The following BNC2 variants were observed in gnomAD, a reference collection of about 807,000 sequenced individuals.
The protein encoded by BNC2 is basonuclin zinc finger protein 2.
In BNC2, 20 loss-of-function variants were observed where a neutral mutation model predicts 76.3. That is an observed-to-expected ratio of 0.26 (90% confidence interval 0.18 to 0.38). The LOEUF is 0.38. Ranked by LOEUF, BNC2 falls within the 10% of genes least tolerant of loss-of-function variation. BNC2 has a pLI of 1.00. For synonymous variants in BNC2, 582 were observed against 514.8 expected (o/e 1.13, Z -1.77); for missense variants, 1,382 against 1,399.8 (o/e 0.99, Z 0.20).
chr9:16,797,106 A>G (rs899898045), intron 1 of BNC2, among the ~76,000 whole-genome samples: 9 of 152,206 alleles, frequency 5.9e-5, no homozygotes, highest in South Asian at 4.1e-4. Flanking sequence ...TTCATTTACT[A>G]TATCTTTCTC....
intron 1 of BNC2, among the ~76,000 whole-genome samples, chr9:16,748,756 T>C (rs945839027): frequency 7.0e-6 from 1 of 142,624 alleles, no homozygotes; most frequent in Admixed American, 7.3e-5. Flanking sequence ...GGCAAGAGAA[T>C]TGCTAGGACC....
chr9:16,715,378 A>G (rs889034950), intron 3 of BNC2, among the ~76,000 whole-genome samples: 1 of 152,232 alleles, frequency 6.6e-6, no homozygotes, highest in Non-Finnish European at 1.5e-5. Flanking sequence ...CACAGGGGAA[A>G]AAATGAAGAA....
intron 1 of BNC2, among the ~76,000 whole-genome samples, chr9:16,760,777 T>C (rs1586862019): frequency 6.6e-6 from 1 of 152,184 alleles, no homozygotes; most frequent in Middle Eastern, 3.4e-3. Flanking sequence ...TTAATTTAAA[T>C]TGTGTTTGAA....
At position 16,626,166 on chromosome 9, in the gene BNC2, A is replaced by G. The variant is rs1297680023; in HGVS notation, c.331-43081T>C. The G allele has an allele frequency of 2.0e-5, 3 of 152,190 alleles. No homozygotes were observed. The South Asian group carries it at 6.2e-4, about 32-fold the overall frequency. The allele number at this position is 152,190 out of a possible 1,614,324, so 9.4% of individuals were successfully genotyped here. ...GTAATGTTTGCCTACAGACCTTGGT[A>G]TATCTAAAGAGGACTCCTCAAAGAT... On this transcript the variant is annotated intron_variant, in intron 3 of 6. Coordinates refer to ENST00000380672, the MANE Select transcript of BNC2 (RefSeq NM_017637.6).
intron 5 of BNC2, among the ~76,000 whole-genome samples, chr9:16,467,678 G>A (rs934348676): frequency 9.9e-4 from 142 of 143,378 alleles, no homozygotes; most frequent in Non-Finnish European, 1.8e-3. Flanking sequence ...TCTGGGGACT[G>A]TGGTGGGGTC....
At chr9:16,579,931 G>GC (rs1819585715) in intron 4 of BNC2, 1 of 395,612 alleles carries the variant, frequency 2.5e-6, no homozygotes, top group South Asian at 1.4e-4. Flanking sequence ...ATAATGACAG[G>GC]TAGAATGCAT....
intron 3 of BNC2, among the ~76,000 whole-genome samples, chr9:16,703,587 T>C (rs1823577671): frequency 6.6e-6 from 1 of 152,178 alleles, no homozygotes; most frequent in South Asian, 2.1e-4. Context: ...CGCTTATTGG[T>C]GTAAGACTTC....
chr9:16,445,543 A>G (rs1821215076), intron 5 of BNC2, among the ~76,000 whole-genome samples: 1 of 151,952 alleles, frequency 6.6e-6, no homozygotes, highest in Non-Finnish European at 1.5e-5. Flanking sequence ...GCCCTACTCA[A>G]TTTTCATGAT....
intron 3 of BNC2, among the ~76,000 whole-genome samples, chr9:16,631,245 T>A (rs1049619037): frequency 6.6e-6 from 1 of 152,194 alleles, no homozygotes; most frequent in African/African-American, 2.4e-5. Context: ...ACATAATTAA[T>A]GAACCACAGA....
intron 1 of BNC2, among the ~76,000 whole-genome samples, chr9:16,794,174 T>C (rs1193220083): frequency 6.6e-6 from 1 of 152,088 alleles, no homozygotes; most frequent in Non-Finnish European, 1.5e-5. Flanking sequence ...AGAAGGTCCA[T>C]CTCCTCTGTA....
At chr9:16,795,890 G>A (rs1817633599) in intron 1 of BNC2, among the ~76,000 whole-genome samples, 1 of 152,124 alleles carries the variant, frequency 6.6e-6, no homozygotes, top group Non-Finnish European at 1.5e-5. Flanking sequence ...AAAGGTCATG[G>A]TTAGGAAGAG....
intron 3 of BNC2, among the ~76,000 whole-genome samples, chr9:16,657,688 G>T (rs118066471): frequency 6.6e-6 from 1 of 151,964 alleles, no homozygotes; most frequent in African/African-American, 2.4e-5. Flanking sequence ...ATAAACTCTA[G>T]GAGAACTGTT....
rs377349585 is a variant in BNC2, at chr9:16,793,860, G to GTTTTTTTT, written c.4-55376_4-55375insAAAAAAAA. ...CTAGTTTTTGTTTTTTGTGGTTTTT[G>GTTTTTTTT]TTTTTTTGTTTTTTTTTTTTTTTAG... is the stretch of plus-strand genomic sequence containing the variant. On this transcript the variant is annotated intron_variant, in intron 1 of 6. Coordinates refer to ENST00000380672, the MANE Select transcript of BNC2 (RefSeq NM_017637.6). Among the ~76,000 whole-genome samples, 128 of 97,210 alleles carry GTTTTTTTT rather than the reference G, an allele frequency of 1.3e-3. 11 individuals are homozygous for GTTTTTTTT. Among genetic ancestry groups the GTTTTTTTT allele is most frequent in the Non-Finnish European group, 2.1e-3 (106 of 51,632 alleles). The allele number at this position is 97,210 out of a possible 152,430, so 63.8% of individuals were successfully genotyped here. A position where few individuals can be genotyped will look rare whatever the true frequency, so the allele number is the denominator to read the frequency against.
rs183663629 is a variant in BNC2 at position 16,648,432 on chromosome 9, T to C, written c.331-65347A>G. ...TGATTGAGAACACATCCAGGTTCTA[T>C]TAGCCAAGTCAAGAGAGATGTGTGT... On this transcript the variant is annotated intron_variant, in intron 3 of 6. Coordinates refer to ENST00000380672, the MANE Select transcript of BNC2 (RefSeq NM_017637.6). Among the ~76,000 whole-genome samples the C allele has an allele frequency of 4.6e-5, 7 of 152,328 alleles. No individual in the cohort carries two copies. The East Asian group carries it at 1.4e-3, about 29-fold the overall frequency.
chr9:16,710,060 T>C (rs560460081), intron 3 of BNC2, among the ~76,000 whole-genome samples: 1 of 152,144 alleles, frequency 6.6e-6, no homozygotes, highest in South Asian at 2.1e-4. Flanking sequence ...AAGACATTCA[T>C]ATGTAAATGA....
intron 4 of BNC2, among the ~76,000 whole-genome samples, chr9:16,554,433 G>A (rs978761671): frequency 6.6e-6 from 1 of 152,078 alleles, no homozygotes; most frequent in East Asian, 1.9e-4. Flanking sequence ...TTTACTCCCA[G>A]GAATACTTTG....
chr9:16,842,915 C>A (rs1007628636), intron 1 of BNC2, among the ~76,000 whole-genome samples: 1 of 152,168 alleles, frequency 6.6e-6, no homozygotes, highest in Non-Finnish European at 1.5e-5. Flanking sequence ...CCACACCCAA[C>A]TAATTTTTGT....
chr9:16,677,569 T>C (rs1822685555), intron 3 of BNC2, among the ~76,000 whole-genome samples: 1 of 66,556 alleles, frequency 1.5e-5, no homozygotes, highest in African/African-American at 1.1e-4. Context: ...CTAGACTTTG[T>C]CTCAAACAAA....
intron 6 of BNC2, among the ~76,000 whole-genome samples, chr9:16,424,882 A>G (rs1335413760): frequency 1.3e-5 from 2 of 152,180 alleles, no homozygotes; most frequent in Non-Finnish European, 2.9e-5. Context: ...TTGTATTATC[A>G]TTTATTAACG....
Sources: gnomAD v4.1 joint callset for allele counts (sites outside exome capture counted in the v4.1 genomes callset) on GRCh38, gnomAD v4.1.1 for gene constraint, MANE v1.5 for transcripts, NCBI Gene and HGNC (gene_info 2026-07-23, HGNC 2026-07-21) for gene names.